Variants in PARP9 observed in about 807,000 individuals in gnomAD.
PARP9 encodes the protein protein mono-ADP-ribosyltransferase PARP9.
PARP9 carries 48 observed loss-of-function variants against 68.8 expected under a neutral mutation model. That is an observed-to-expected ratio of 0.70 (90% CI 0.55 to 0.89). PARP9 has a LOEUF of 0.89. PARP9 is among the 40% of genes least tolerant of loss of function. The pLI is 0.00. For synonymous variants in PARP9, 309 were observed against 333.8 expected, an observed-to-expected ratio of 0.93 and a Z score of 0.81; for missense variants, 806 against 969.3, an observed-to-expected ratio of 0.83 and a Z score of 2.24.
At chr3:122,531,624 T>C (rs2077311670) in intron 10 of PARP9, 1 of 152,140 alleles carries the variant, frequency 6.6e-6, no homozygotes, top group Non-Finnish European at 1.5e-5. Context: ...TCTATATGTT[T>C]GTGTTTACAA....
At chr3:122,543,287 GT>G (rs199591270) in intron 7 of PARP9, among the ~76,000 whole-genome samples, 60 of 148,860 alleles carry the variant, frequency 4.0e-4, no homozygotes, top group African/African-American at 1.3e-3. Context: ...TTTGTTTTTT[GT>G]TTTTTTTTGA....
At chr3:122,532,931 T>A (rs2077406322) in intron 10 of PARP9, 1 of 152,162 alleles carries the variant, frequency 6.6e-6, no homozygotes, top group Non-Finnish European at 1.5e-5. Flanking sequence ...ATGTGGGAGC[T>A]AGGGCCTTAT....
At chr3:122,546,650 G>C (rs1243233504) in intron 6 of PARP9, among the ~76,000 whole-genome samples, 1 of 152,118 alleles carries the variant, frequency 6.6e-6, no homozygotes, top group Non-Finnish European at 1.5e-5. Flanking sequence ...ATGCTGAAAA[G>C]AGCCTGAAGG....
chr3:122,564,296 G>A lies in PARP9; in HGVS notation c.-141C>T. 2 of 1,131,352 alleles carry A rather than the reference G, an allele frequency of 1.8e-6. No homozygotes were observed. Among genetic ancestry groups the A allele is most frequent in the Non-Finnish European group, 2.4e-6 (2 of 819,830 alleles). 70.1% of individuals were successfully genotyped at this position (1,131,352 alleles called of 1,614,324 possible). On this transcript the variant is annotated 5_prime_UTR_variant, in exon 1 of 11. Transcript: ENST00000682323. ...ACAGCACAGGGAGGAGGGGGAAGCG[G>A]CTCTGCCGGGAACAGGGAGGGACCT...
At chr3:122,541,420 G>T (rs1356694568) in intron 7 of PARP9, among the ~76,000 whole-genome samples, 1 of 152,142 alleles carries the variant, frequency 6.6e-6, no homozygotes, top group East Asian at 1.9e-4. Context: ...GTTGCATTTG[G>T]CAGTTCACAG....
At chr3:122,560,875 T>C (rs909562263) in intron 1 of PARP9, among the ~76,000 whole-genome samples, 1 of 152,238 alleles carries the variant, frequency 6.6e-6, no homozygotes, top group Non-Finnish European at 1.5e-5. Flanking sequence ...GATGACTTCA[T>C]CTGCTTTGGC....
At position 122,559,674 on chromosome 3, in the gene PARP9, G is replaced by A. The variant is rs2080025434; in HGVS notation, c.-54C>T. The A allele has an allele frequency of 6.5e-6, 10 of 1,532,454 alleles. No individual in the cohort carries two copies. The Admixed American group carries it at 1.9e-4, about 29-fold the overall frequency. 94.9% of individuals were successfully genotyped at this position (1,532,454 alleles called of 1,614,324 possible). A position where few individuals can be genotyped will look rare whatever the true frequency, so the allele number is the denominator to read the frequency against. On this transcript the variant is annotated 5_prime_UTR_variant, in exon 2 of 11. Coordinates refer to ENST00000682323, the MANE Select transcript of PARP9 (RefSeq NM_001146105.2). ...TGTTTATTCCCTTTTGCGCTTCAAA[G>A]CATAGACTGTAGTTTCCAGATATGG...
At chr3:122,555,238 T>A (rs756573591) in intron 4 of PARP9, 48 bp downstream of exon 4, 6 of 1,508,844 alleles carry the variant, frequency 4.0e-6, no homozygotes, top group Non-Finnish European at 5.4e-6. Context: ...TTATTTAATT[T>A]TCAGGGATCA....
At chr3:122,537,147 CTAGAAATTTAGAGGAAGGGAT>C in intron 8 of PARP9, 74 bp from the exon 9 acceptor site, 2 of 1,454,964 alleles carry the variant, frequency 1.4e-6, no homozygotes, top group East Asian at 2.3e-5. Flanking sequence ...GAAACAAATT[CTAGAAATTTAGAGGAAGGGAT>C]TAGCCAGTTT....
At chr3:122,547,906 A>C (rs1226365471) in intron 6 of PARP9, among the ~76,000 whole-genome samples, 1 of 152,168 alleles carries the variant, frequency 6.6e-6, no homozygotes, top group African/African-American at 2.4e-5. Flanking sequence ...CAGGGCACCT[A>C]TCTGGGCTTA....
intron 8 of PARP9, among the ~76,000 whole-genome samples, chr3:122,538,164 C>G (rs1392193558): frequency 6.6e-6 from 1 of 151,158 alleles, no homozygotes; most frequent in Non-Finnish European, 1.5e-5. Flanking sequence ...GAAACTACAA[C>G]AGAAGACTGT....
intron 6 of PARP9, among the ~76,000 whole-genome samples, chr3:122,550,291 T>G (rs566206604): frequency 6.6e-6 from 1 of 152,184 alleles, no homozygotes; most frequent in South Asian, 2.1e-4. Flanking sequence ...GTTGGTCAGG[T>G]TGGTCTAGAA....
chr3:122,530,813 A>G (rs1459159607), intron 10 of PARP9, among the ~76,000 whole-genome samples: 6 of 152,142 alleles, frequency 3.9e-5, no homozygotes, highest in African/African-American at 1.4e-4. Context: ...CTGTAATCCC[A>G]GCACTTTGGG....
chr3:122,552,637 T>C lies in PARP9; in HGVS notation c.888A>G (p.Ala296=). 1.2e-6 allele frequency: 2 copies of C among 1,603,874 alleles called. No individual in the cohort carries two copies. Among genetic ancestry groups the C allele is most frequent in the Non-Finnish European group, 1.7e-6 (2 of 1,170,978 alleles). The change falls in exon 5 of 11, where the codon GCA becomes GCG. Residue 296 remains alanine, a splice_region_variant and synonymous_variant. Coordinates refer to ENST00000682323, the MANE Select transcript of PARP9 (RefSeq NM_001146105.2). The part of the protein sequence containing the change: ...IVQGHIEWQT[A]DVIVNSVNPH... ...GGTTTACAGAATTAACAATTACATC[T>C]GCCTGAAAAGGGAAGAAAGGGTAGG... is the stretch of plus-strand genomic sequence containing the variant.
chr3:122,537,457 T>C (rs1397462278), intron 8 of PARP9, among the ~76,000 whole-genome samples: 2 of 152,356 alleles, frequency 1.3e-5, no homozygotes, highest in Middle Eastern at 3.4e-3. Flanking sequence ...TAAGGAATGA[T>C]GGGAAATGAC....
chr3:122,539,567 C>CT (rs1177248789), intron 8 of PARP9, among the ~76,000 whole-genome samples: 47 of 86,942 alleles, frequency 5.4e-4, no homozygotes, highest in South Asian at 3.4e-3. Context: ...TTCTTTCTTT[C>CT]TTTTTTTTTT....
chr3:122,551,277 T>G (rs972054683), intron 5 of PARP9, among the ~76,000 whole-genome samples: 2 of 152,194 alleles, frequency 1.3e-5, no homozygotes, highest in African/African-American at 4.8e-5. Context: ...TTCTACCAAC[T>G]GTTAACATCA....
intron 10 of PARP9, chr3:122,534,877 G>A (rs2077533840): frequency 9.6e-6 from 9 of 938,294 alleles, no homozygotes; most frequent in Non-Finnish European, 1.1e-5. Context: ...CTCCGTCTCA[G>A]AAAAATAAAT....
chr3:122,547,453 T>G (rs1427544698), intron 6 of PARP9, among the ~76,000 whole-genome samples: 1 of 152,152 alleles, frequency 6.6e-6, no homozygotes, highest in Non-Finnish European at 1.5e-5. Context: ...GTGGTTGATC[T>G]TTCCATTTTT....
Sources: gnomAD v4.1 joint callset for allele counts (sites outside exome capture counted in the v4.1 genomes callset) on GRCh38, gnomAD v4.1.1 for gene constraint, MANE v1.5 for transcripts, NCBI Gene and HGNC (gene_info 2026-07-23, HGNC 2026-07-21) for gene names.